The following FANCC variants were observed in gnomAD, a reference collection of about 807,000 sequenced individuals.
FANCC encodes FA complementation group C, also known as Fanconi anemia group C protein.
A neutral mutation model predicts 71.3 loss-of-function variants in FANCC; 55 were observed. The ratio of observed to expected loss-of-function variants is 0.77; its 90% confidence interval spans 0.62 to 0.97. The LOEUF is 0.97. Ranked by LOEUF, FANCC falls within the 50% of genes least tolerant of loss-of-function variation. The pLI is 0.00. For missense variants in FANCC, 678 were observed against 670.9 expected (o/e 1.01, Z -0.12); for synonymous variants, 275 against 244.9 (o/e 1.12, Z -1.15).
chr9:95,184,711 G>A (rs4647486), intron 4 of FANCC, among the ~76,000 whole-genome samples: 1 of 152,136 alleles, frequency 6.6e-6, no homozygotes, highest in Admixed American at 6.5e-5. Flanking sequence ...GAGAAGCAAG[G>A]GGCCAAGAAC....
intron 13 of FANCC, among the ~76,000 whole-genome samples, chr9:95,110,036 T>C (rs965765792): frequency 1.3e-5 from 2 of 152,186 alleles, no homozygotes; most frequent in East Asian, 1.9e-4. Context: ...GCCAGGCAGA[T>C]GGGCACCTGT....
chr9:95,248,240 G>C (rs1287576405), intron 2 of FANCC, among the ~76,000 whole-genome samples: 1 of 152,096 alleles, frequency 6.6e-6, no homozygotes, highest in Non-Finnish European at 1.5e-5. Context: ...TAACATGCAG[G>C]TAAGCCGACA....
At chr9:95,125,227 A>C (rs753372170) in intron 9 of FANCC, 42 bp from the exon 10 acceptor site, 49 of 1,534,886 alleles carry the variant, frequency 3.2e-5, no homozygotes, top group African/African-American at 4.1e-5. Context: ...TTAACAAGTA[A>C]TCCGGCAAAC....
intron 7 of FANCC, among the ~76,000 whole-genome samples, chr9:95,136,992 G>A (rs1439083357): frequency 6.6e-6 from 1 of 152,040 alleles, no homozygotes; most frequent in Non-Finnish European, 1.5e-5. Context: ...CAGACAGTGG[G>A]TGCTTCCCAG....
intron 7 of FANCC, among the ~76,000 whole-genome samples, chr9:95,144,942 C>T (rs1008285091): frequency 2.6e-5 from 4 of 152,104 alleles, no homozygotes; most frequent in African/African-American, 9.7e-5. Flanking sequence ...ACTCCACTTA[C>T]TGGGTGAATT....
In FANCC at chr9:95,247,412, G is replaced by A; in HGVS notation, c.250+20C>T. The A allele has an allele frequency of 6.4e-7, 1 of 1,565,280 alleles. No homozygotes were observed. Among genetic ancestry groups the A allele is most frequent in the South Asian group, 1.1e-5 (1 of 90,064 alleles). On this transcript the variant is annotated intron_variant, in intron 3 of 14. Transcript: ENST00000289081. ...AAGATTAAAATAGCCATTTTGAGAG[G>A]ACACGTTTTTGATTCTTACCATATG...
rs753431563 is a variant in FANCC, at chr9:95,150,096, G to C, written c.522-9C>G. On this transcript the variant is annotated splice_polypyrimidine_tract_variant and intron_variant, in intron 6 of 14. Coordinates refer to ENST00000289081, the MANE Select transcript of FANCC (RefSeq NM_000136.3). ...CTCGCTCGGGAGCCATTCTATGGAA[G>C]AAATAAGAAATAATCACTCAAATCT... 2 of 1,613,716 alleles carry C rather than the reference G, an allele frequency of 1.2e-6. No individual in the cohort carries two copies. Among genetic ancestry groups the C allele is most frequent in the African/African-American group, 2.7e-5 (2 of 74,866 alleles).
At chr9:95,192,641 T>A (rs1229223731) in intron 4 of FANCC, among the ~76,000 whole-genome samples, 1 of 152,212 alleles carries the variant, frequency 6.6e-6, no homozygotes, top group African/African-American at 2.4e-5. Context: ...AATTTGACTA[T>A]CAAATTTTTA....
chr9:95,292,930 A>G, intron 1 of FANCC: 1 of 1,580,768 alleles, frequency 6.3e-7, no homozygotes, highest in Non-Finnish European at 8.7e-7. Flanking sequence ...GGCTGTCCCT[A>G]CGCCAGTAGA....
At chr9:95,262,476 G>A (rs1250222461) in intron 1 of FANCC, among the ~76,000 whole-genome samples, 5 of 152,190 alleles carry the variant, frequency 3.3e-5, no homozygotes, top group African/African-American at 1.2e-4. Context: ...ACAACGACAA[G>A]TGTTGATGAG....
chr9:95,156,087 G>T (rs1830450464), intron 6 of FANCC, among the ~76,000 whole-genome samples: 1 of 152,038 alleles, frequency 6.6e-6, no homozygotes, highest in Non-Finnish European at 1.5e-5. Context: ...TTTGGAAGAG[G>T]TTTATTCTCT....
chr9:95,249,566 T>C (rs189522859), intron 1 of FANCC, among the ~76,000 whole-genome samples, 197 bp from the exon 2 acceptor site: 4 of 152,338 alleles, frequency 2.6e-5, no homozygotes, highest in Admixed American at 1.3e-4. Context: ...TTTATCATGA[T>C]ACTATCATTA....
At chr9:95,108,882 G>GTATC (rs2071679214) in intron 13 of FANCC, among the ~76,000 whole-genome samples, 1 of 150,950 alleles carries the variant, frequency 6.6e-6, no homozygotes, top group South Asian at 2.1e-4. Flanking sequence ...TCAGTTCACT[G>GTATC]TATCTATAGA....
At position 95,114,098 on chromosome 9, in the gene FANCC, A is replaced by G. The variant is rs991564044; in HGVS notation, c.1154+531T>C. 5 of 188,438 alleles carry G rather than the reference A, an allele frequency of 2.7e-5. No individual in the cohort carries two copies. In the South Asian group the frequency reaches 3.3e-4, roughly 13 times the overall value. The allele number at this position is 188,438 out of a possible 1,614,324, so 11.7% of individuals were successfully genotyped here. ...CAAGACCTTATCTCTAAAAATTTAA[A>G]ACAAACCAACCAACCCAGAATTTAT... On this transcript the variant is annotated intron_variant, in intron 12 of 14. Transcript: ENST00000289081.
At chr9:95,113,483 T>C (rs985632679) in intron 12 of FANCC, among the ~76,000 whole-genome samples, 2 of 151,868 alleles carry the variant, frequency 1.3e-5, no homozygotes, top group African/African-American at 4.8e-5. Context: ...CATAAGAGGG[T>C]ACCTAACACT....
At chr9:95,254,474 G>A (rs573109504) in intron 1 of FANCC, among the ~76,000 whole-genome samples, 6 of 152,326 alleles carry the variant, frequency 3.9e-5, no homozygotes, top group East Asian at 3.9e-4. Context: ...GAAGCACAAT[G>A]GATTGGGGAA....
At chr9:95,282,394 A>C (rs1402247348) in intron 1 of FANCC, among the ~76,000 whole-genome samples, 1 of 152,110 alleles carries the variant, frequency 6.6e-6, no homozygotes, top group Non-Finnish European at 1.5e-5. Context: ...ATGTTGGGTA[A>C]ATGTATATGC....
At chr9:95,176,123 G>A (rs1225648955) in intron 4 of FANCC, among the ~76,000 whole-genome samples, 3 of 152,184 alleles carry the variant, frequency 2.0e-5, no homozygotes, top group Admixed American at 6.5e-5. Flanking sequence ...CACAGCCTAC[G>A]GGTAGGTACT....
At chr9:95,107,552 C>T in intron 13 of FANCC, 1 of 534,308 alleles carries the variant, frequency 1.9e-6, no homozygotes. Flanking sequence ...AAGTTCTCAA[C>T]AGAATGTAGT....
Sources: allele counts gnomAD v4.1 joint callset (sites outside exome capture counted in the v4.1 genomes callset), GRCh38; gene constraint gnomAD v4.1.1; transcripts MANE v1.5; gene names NCBI Gene and HGNC (gene_info 2026-07-23, HGNC 2026-07-21).